The following SMTNL2 variants were observed in gnomAD, a reference collection of about 807,000 sequenced individuals.
The protein encoded by SMTNL2 is smoothelin-like protein 2.
Under a neutral mutation model 44.1 loss-of-function variants are expected in SMTNL2, and 43 were observed. That is an observed-to-expected ratio of 0.98 (90% confidence interval 0.76 to 1.26). SMTNL2 has a LOEUF of 1.26. Among genes scored for constraint, SMTNL2 ranks in the 50% most tolerant of loss-of-function variants. The pLI is 0.00. For missense variants in SMTNL2, 646 were observed against 670.2 expected (o/e 0.96, Z 0.40); for synonymous variants, 317 against 287.6 (o/e 1.10, Z -1.03).
intron 7 of SMTNL2, among the ~76,000 whole-genome samples, chr17:4,602,843 G>C (rs1910104704): frequency 6.6e-6 from 1 of 152,164 alleles, no homozygotes; most frequent in African/African-American, 2.4e-5. Context: ...AGAAAAGAGG[G>C]AGCCAGGAGA....
chr17:4,584,623 C>A lies in SMTNL2; in HGVS notation c.18C>A (p.Asp6Glu), dbSNP rs897753057. ...GCTGGGCCATGGAGCCGGCCCCCGA[C>A]GCCCAGGAGGCGCGCACTGTGCGCG... MEPAP[D>E]AQEARTVREA... is the part of the protein sequence containing the mutation. The change falls in exon 1 of 8, where the codon GAC becomes GAA. Residue 6 changes from aspartate (D) to glutamate (E), a missense_variant. Physicochemically the swap from Asp to Glu is conservative, Grantham distance 45 (BLOSUM62 2). Transcript: ENST00000389313. The A allele has an allele frequency of 8.8e-6, 11 of 1,244,750 alleles. No individual in the cohort carries two copies. The highest frequency in any genetic ancestry group is 3.1e-4 in the Middle Eastern group (1 of 3,194). The allele number at this position is 1,244,750 out of a possible 1,614,324, so 77.1% of individuals were successfully genotyped here.
At position 4,607,445 on chromosome 17, in the gene SMTNL2, C is replaced by T. The variant is rs543683560; in HGVS notation, c.1344C>T (p.Thr448=). The T allele has an allele frequency of 2.3e-5, 37 of 1,614,094 alleles. No homozygotes were observed. Among genetic ancestry groups the T allele is most frequent in the Non-Finnish European group, 3.1e-5 (36 of 1,180,046 alleles). The change falls in exon 8 of 8, where the codon ACC becomes ACT. Residue 448 remains threonine (T), a synonymous_variant. Transcript: ENST00000389313. This position sits in a 1 kb window ranked among gnomAD's most constrained non-coding sequence, Gnocchi z 4.7. ...GRKPDPMCVF[T]YVQSLYNHLR... is the part of the protein sequence containing the mutation. ...AGCCGGACCCCATGTGTGTCTTCAC[C>T]TACGTCCAGTCGCTGTACAACCACC... is the stretch of plus-strand genomic sequence containing the variant.
Position 4,584,681 on chromosome 17 carries a change from G to C in SMTNL2, c.76G>C (p.Gly26Arg), listed in dbSNP as rs1020908123. The C allele has an allele frequency of 6.2e-6, 8 of 1,285,390 alleles. No homozygotes were observed. The highest frequency in any genetic ancestry group is 7.8e-6 in the Non-Finnish European group (8 of 1,020,458). The allele number at this position is 1,285,390 out of a possible 1,614,324, so 79.6% of individuals were successfully genotyped here. A position where few individuals can be genotyped will look rare whatever the true frequency, so the allele number is the denominator to read the frequency against. Residue 26 changes from glycine to arginine, a missense_variant, in exon 1 of 8, where the codon GGT becomes CGT. Transcript: ENST00000389313. The part of the protein sequence containing the change: ...ALGRYEAALE[G>R]AVRALHEDMR... ...GGGCCGCTACGAGGCGGCGCTGGAG[G>C]GTGCGGTGCGCGCGCTGCACGAGGA...
Position 4,584,763 on chromosome 17 carries a change from C to A in SMTNL2, c.158C>A (p.Ala53Asp). 1 of 1,308,118 alleles carries A rather than the reference C, an allele frequency of 7.6e-7. No individual in the cohort carries two copies. Among genetic ancestry groups the A allele is most frequent in the Non-Finnish European group, 9.7e-7 (1 of 1,031,798 alleles). The allele number at this position is 1,308,118 out of a possible 1,614,324, so 81.0% of individuals were successfully genotyped here. A position where few individuals can be genotyped will look rare whatever the true frequency, so the allele number is the denominator to read the frequency against. ...ERRVAEAMRLAGPLARTVADL... is the reference protein window; with the variant it reads ...ERRVAEAMRLDGPLARTVADL... ...CGAGTGGCAGAGGCGATGCGCCTGGCCGGCCCCCTGGCGCGCACGGTGGCC... is the reference window on the plus strand; with the variant it reads ...CGAGTGGCAGAGGCGATGCGCCTGGACGGCCCCCTGGCGCGCACGGTGGCC... Residue 53 changes from alanine to aspartate, a missense_variant, in exon 1 of 8, where the codon GCC becomes GAC. Transcript: ENST00000389313.
At chr17:4,588,849 G>A (rs1032891273) in intron 1 of SMTNL2, among the ~76,000 whole-genome samples, 2 of 152,194 alleles carry the variant, frequency 1.3e-5, no homozygotes, top group Admixed American at 1.3e-4. Flanking sequence ...CCGTACTTTG[G>A]CTCTGCCACT....
chr17:4,606,275 C>T (rs1265526677), intron 7 of SMTNL2, among the ~76,000 whole-genome samples: 2 of 152,032 alleles, frequency 1.3e-5, no homozygotes, highest in East Asian at 1.9e-4. Flanking sequence ...GCACACGCCA[C>T]CACGCCCGGC....
Position 4,598,776 on chromosome 17 carries a change from A to T in SMTNL2, c.1259+1453A>T, listed in dbSNP as rs142394665. 6.6e-6 allele frequency among the ~76,000 whole-genome samples: 1 copy of T among 152,008 alleles called. No individual in the cohort carries two copies. Among genetic ancestry groups the T allele is most frequent in the Non-Finnish European group, 1.5e-5 (1 of 67,930 alleles). On this transcript the variant is annotated intron_variant, in intron 7 of 7. Coordinates refer to ENST00000389313, the MANE Select transcript of SMTNL2 (RefSeq NM_001114974.2). This position sits in a 1 kb window ranked among gnomAD's most constrained non-coding sequence, Gnocchi z 4.8. ...GAGAAAGAGGTTGCAGTGAGCTGAG[A>T]TCGCACCACTGTACTCCAGCCTGGG...
At chr17:4,597,941 CA>C in intron 7 of SMTNL2, among the ~76,000 whole-genome samples, 1 of 152,252 alleles carries the variant, frequency 6.6e-6, no homozygotes, top group South Asian at 2.1e-4. Context: ...GGAGAGTTGG[CA>C]AAGTCAGGTC....
Position 4,592,842 on chromosome 17 carries a change from C to T in SMTNL2, c.488-87C>T. 6.6e-7 allele frequency: 1 copy of T among 1,519,868 alleles called. No homozygotes were observed. The highest frequency in any genetic ancestry group is 8.9e-7 in the Non-Finnish European group (1 of 1,129,324). 94.1% of individuals were successfully genotyped at this position (1,519,868 alleles called of 1,614,324 possible). A position where few individuals can be genotyped will look rare whatever the true frequency, so the allele number is the denominator to read the frequency against. ...TTCCTAGAGGAGGTGGGAGGAGGGC[C>T]CAGGGAGGCTAGAGCCCTCCTGGGA... On this transcript the variant is annotated intron_variant, in intron 2 of 7. Coordinates refer to ENST00000389313, the MANE Select transcript of SMTNL2 (RefSeq NM_001114974.2). This position sits in a 1 kb window ranked among gnomAD's most constrained non-coding sequence, Gnocchi z 4.5.
chr17:4,596,877 G>T lies in SMTNL2; in HGVS notation c.1007G>T (p.Arg336Leu), dbSNP rs1420541617. The change falls in exon 6 of 8, where the codon CGG (arginine) becomes CTG (leucine). Residue 336 changes from arginine to leucine, a missense_variant. By Grantham distance (102) the Arg-to-Leu change is moderately radical (BLOSUM62 -2). Coordinates refer to ENST00000389313, the MANE Select transcript of SMTNL2 (RefSeq NM_001114974.2). ...CTCCGCAGGGGGAAAGGCGAGGCCCGGGCCAGGCTGAAGCGGTCGCAGAGC... is the reference window on the plus strand; with the variant it reads ...CTCCGCAGGGGGAAAGGCGAGGCCCTGGCCAGGCTGAAGCGGTCGCAGAGC... Reference protein sequence around the residue: ...TAAGKGKGEARARLKRSQSFG... With the variant: ...TAAGKGKGEALARLKRSQSFG... 7 of 1,493,754 alleles carry T rather than the reference G, an allele frequency of 4.7e-6. No individual in the cohort carries two copies. The South Asian group carries it at 8.8e-5, about 19-fold the overall frequency. The allele number at this position is 1,493,754 out of a possible 1,614,324, so 92.5% of individuals were successfully genotyped here.
rs778907027 is a variant in SMTNL2 at position 4,597,296 on chromosome 17, A to G, written c.1232A>G (p.Asn411Ser). The part of the protein sequence containing the change: ...NSLSPTQRQK[N>S]FELAFTMAEN... ...CTGAGCCCCACGCAGAGGCAGAAGA[A>G]CTTCGAGCTGGCTTTCACCATGGCC... is the stretch of plus-strand genomic sequence containing the variant. The change falls in exon 7 of 8, where the codon AAC (asparagine) becomes AGC (serine). Residue 411 changes from asparagine (N) to serine (S), a missense_variant. Physicochemically the swap from Asn to Ser is conservative, Grantham distance 46 (BLOSUM62 1). Coordinates refer to ENST00000389313, the MANE Select transcript of SMTNL2 (RefSeq NM_001114974.2). The G allele has an allele frequency of 1.9e-6, 3 of 1,614,002 alleles. No homozygotes were observed. The highest frequency in any genetic ancestry group is 2.2e-5 in the South Asian group (2 of 91,068).
chr17:4,604,110 G>A (rs1597418475), intron 7 of SMTNL2, among the ~76,000 whole-genome samples: 1 of 152,168 alleles, frequency 6.6e-6, no homozygotes. Context: ...CTCTTAAAAT[G>A]TTGGGATGAC....
chr17:4,584,050 C>T (rs1215322948), upstream of SMTNL2: 2 of 152,330 alleles, frequency 1.3e-5, no homozygotes, highest in East Asian at 3.9e-4. Flanking sequence ...CTGTCTCCTC[C>T]CTGAGGTCTT....
At chr17:4,601,471 T>G (rs569334124) in intron 7 of SMTNL2, among the ~76,000 whole-genome samples, 7 of 152,278 alleles carry the variant, frequency 4.6e-5, no homozygotes, top group African/African-American at 1.7e-4. Flanking sequence ...GGAATGGCAT[T>G]TAAAGTGATT....
At chr17:4,590,120 C>G (rs1332105067) in intron 1 of SMTNL2, among the ~76,000 whole-genome samples, 4 of 151,894 alleles carry the variant, frequency 2.6e-5, no homozygotes, top group Admixed American at 1.3e-4. Flanking sequence ...GCACCCACCA[C>G]CATGCCTGGC....
chr17:4,584,434 G>A (rs1909252124), upstream of SMTNL2: 8 of 601,832 alleles, frequency 1.3e-5, no homozygotes, highest in Non-Finnish European at 1.9e-5. Flanking sequence ...CAGGGCAGGG[G>A]GGTGTCCCGG....
At position 4,595,457 on chromosome 17, in the gene SMTNL2, T is replaced by C. The variant is rs1253609684; in HGVS notation, c.989+130T>C. 1.5e-6 allele frequency: 2 copies of C among 1,330,352 alleles called. No individual in the cohort carries two copies. The highest frequency in any genetic ancestry group is 5.0e-5 in the East Asian group (2 of 39,644). 82.4% of individuals were successfully genotyped at this position (1,330,352 alleles called of 1,614,324 possible). ...CAGGGCGCTGTTGCCCAGGACAAGA[T>C]CTCTTGGGCAAGGCACAAAGTTAGG... On this transcript the variant is annotated intron_variant, in intron 5 of 7. Transcript: ENST00000389313. The surrounding 1 kb of genome is among the most constrained non-coding windows in gnomAD (Gnocchi z 5.1).
Position 4,607,485 on chromosome 17 carries a change from T to A in SMTNL2, c.1384T>A (p.Ter462LysextTer3). The A allele has an allele frequency of 6.2e-7, 1 of 1,613,984 alleles. No individual in the cohort carries two copies. The highest frequency in any genetic ancestry group is 1.1e-5 in the South Asian group (1 of 91,072). Residue 462 changes from the stop codon to lysine (K), a stop_lost, in exon 8 of 8, where the codon TAA becomes AAA. Coordinates refer to ENST00000389313, the MANE Select transcript of SMTNL2 (RefSeq NM_001114974.2). The surrounding 1 kb of genome is among the most constrained non-coding windows in gnomAD (Gnocchi z 4.7). ...SLYNHLRRFE[*>K] ...GTACAACCACCTGCGTCGCTTCGAG[T>A]AAAGCCCCTGAGCCTGGATTGCCAA...
chr17:4,597,367 C>T, intron 7 of SMTNL2, 44 bp downstream of exon 7: 1 of 1,598,584 alleles, frequency 6.3e-7, no homozygotes, highest in Non-Finnish European at 8.5e-7. Context: ...CAGCCCAGTC[C>T]CTGAGCCCAA....
Sources: gnomAD v4.1 joint callset for allele counts (sites outside exome capture counted in the v4.1 genomes callset) on GRCh38, gnomAD v4.1.1 for gene constraint, Gnocchi (gnomAD v3.1) non-coding constraint, MANE v1.5 for transcripts, NCBI Gene and HGNC (gene_info 2026-07-23, HGNC 2026-07-21) for gene names.